BTD: variants seen among roughly 807,000 people sequenced by gnomAD.
BTD encodes the protein biocytinase.
A neutral mutation model predicts 17.7 loss-of-function variants in BTD; 13 were observed. That is an observed-to-expected ratio of 0.74 (90% CI 0.48 to 1.17). BTD has a LOEUF of 1.17. Ranked by LOEUF, BTD falls within the 50% of genes most tolerant of loss-of-function variation. BTD has a pLI of 0.00. For synonymous variants in BTD, 240 were observed against 245.2 expected (o/e 0.98, Z 0.20); for missense variants, 674 against 650.4 (o/e 1.04, Z -0.39).
At chr3:15,689,980 T>G (rs767499302) in intron 3 of BTD, 2 of 1,512,340 alleles carry the variant, frequency 1.3e-6, no homozygotes, top group East Asian at 2.4e-5. Flanking sequence ...AAGTATTGGA[T>G]AGAAGTTATA....
At chr3:15,641,407 G>A (rs768957450) in intron 2 of BTD, among the ~76,000 whole-genome samples, 3 of 152,174 alleles carry the variant, frequency 2.0e-5, no homozygotes, top group Non-Finnish European at 2.9e-5. Context: ...AATCAAATCA[G>A]ACTTTGTAGG....
chr3:15,634,524 A>G (rs995989338), intron 1 of BTD, among the ~76,000 whole-genome samples: 1 of 152,214 alleles, frequency 6.6e-6, no homozygotes, highest in African/African-American at 2.4e-5. Flanking sequence ...CTATTCTGGG[A>G]GGAAGGAGGA....
chr3:15,685,937 G>C lies in BTD; in HGVS notation c.400-24123G>C, dbSNP rs140561236. ...ATGAAGAAAAAATAAACATAACCTA[G>C]TTCAGTTCTAGGTAATATGAGGTCA... On this transcript the variant is annotated intron_variant, in intron 3 of 3. Transcript: ENST00000672141. 6.5e-6 allele frequency: 8 copies of C among 1,221,560 alleles called. No homozygotes were observed. In the East Asian group the frequency reaches 1.5e-4, roughly 23 times the overall value. The allele number at this position is 1,221,560 out of a possible 1,614,324, so 75.7% of individuals were successfully genotyped here. A position where few individuals can be genotyped will look rare whatever the true frequency, so the allele number is the denominator to read the frequency against.
At chr3:15,642,355 C>A in intron 3 of BTD, 1 of 971,610 alleles carries the variant, frequency 1.0e-6, no homozygotes, top group Non-Finnish European at 1.5e-6. Context: ...CCACAGCCTG[C>A]ACCTCATCCC....
intron 3 of BTD, among the ~76,000 whole-genome samples, chr3:15,661,007 T>C (rs778903000): frequency 2.0e-5 from 3 of 152,156 alleles, no homozygotes; most frequent in Non-Finnish European, 2.9e-5. Context: ...GGGTCATGCC[T>C]GTAATCCCAG....
In BTD at chr3:15,648,839, C is replaced by T. The variant is rs1559603809; in HGVS notation, c.*3351C>T. 1.3e-5 allele frequency among the ~76,000 whole-genome samples: 2 copies of T among 148,930 alleles called. No homozygotes were observed. The highest frequency in any genetic ancestry group is 3.0e-5 in the Non-Finnish European group (2 of 67,390). On this transcript the variant is annotated 3_prime_UTR_variant, in exon 4 of 4. Transcript: ENST00000643237. ...GTCCTTATCAGAAGAGGAGAAGACA[C>T]ACACACAGGGAGAAGATGACCATGT... is the stretch of plus-strand genomic sequence containing the variant.
chr3:15,605,535 A>G (rs1471886368), intron 1 of BTD, among the ~76,000 whole-genome samples: 1 of 152,238 alleles, frequency 6.6e-6, no homozygotes, highest in East Asian at 1.9e-4. Context: ...ATCTAAAAAG[A>G]AAATGCAGAT....
rs377651057 is a variant in BTD at position 15,644,791 on chromosome 3, G to T, written c.875G>T (p.Gly292Val). Reference protein sequence around the residue: ...HHPVLGMTGSGIHTPLESFWY... With the variant: ...HHPVLGMTGSVIHTPLESFWY... ...CCAGTTCTGGGGATGACAGGAAGTG[G>T]CATACACACCCCTCTGGAGTCCTTT... is the stretch of plus-strand genomic sequence containing the variant. Residue 292 changes from glycine to valine, a missense_variant, in exon 4 of 4, where the codon GGC (glycine) becomes GTC (valine). Coordinates refer to ENST00000643237, the MANE Select transcript of BTD (RefSeq NM_001370658.1). The T allele has an allele frequency of 1.9e-6, 3 of 1,614,118 alleles. No homozygotes were observed. The highest frequency in any genetic ancestry group is 2.5e-6 in the Non-Finnish European group (3 of 1,180,034).
rs745683105 is a variant in BTD, at chr3:15,652,850, C to A, written c.*7362C>A. 6.6e-6 allele frequency among the ~76,000 whole-genome samples: 1 copy of A among 152,108 alleles called. No homozygotes were observed. The highest frequency in any genetic ancestry group is 1.5e-5 in the Non-Finnish European group (1 of 68,020). Reference sequence around the variant, plus strand: ...CTATTATTTGTTGGGTTACACAAAGCCAGAAATCATCTACATCTACTCTCT... The same window carrying A: ...CTATTATTTGTTGGGTTACACAAAGACAGAAATCATCTACATCTACTCTCT... On this transcript the variant is annotated 3_prime_UTR_variant, in exon 4 of 4. Transcript: ENST00000643237.
chr3:15,721,556 C>T (rs1234185402), intron 4 of BTD, among the ~76,000 whole-genome samples: 2 of 151,926 alleles, frequency 1.3e-5, no homozygotes, highest in Non-Finnish European at 2.9e-5. Flanking sequence ...TTTGCAGTGA[C>T]AAAGGCTAAC....
chr3:15,717,798 T>C (rs936161937), intron 4 of BTD, among the ~76,000 whole-genome samples: 2 of 152,188 alleles, frequency 1.3e-5, no homozygotes, highest in Non-Finnish European at 2.9e-5. Context: ...AGACCTATAC[T>C]GCTTTATAAA....
intron 1 of BTD, among the ~76,000 whole-genome samples, chr3:15,629,162 A>G (rs768753818): frequency 9.8e-5 from 15 of 152,320 alleles, no homozygotes; most frequent in Non-Finnish European, 1.8e-4. Flanking sequence ...AGAAATGAAG[A>G]TGATGTTTCT....
chr3:15,609,266 A>T (rs576139410), intron 1 of BTD, among the ~76,000 whole-genome samples: 2 of 152,344 alleles, frequency 1.3e-5, no homozygotes, highest in South Asian at 4.1e-4. Context: ...TAAGAAATAC[A>T]TCACAAATAT....
At position 15,653,596 on chromosome 3, in the gene BTD, T is replaced by G. The variant is rs2065839004; in HGVS notation, c.*8108T>G. On this transcript the variant is annotated 3_prime_UTR_variant, in exon 4 of 4. Transcript: ENST00000643237. ...TTTTGTTTGACTAAAGGCAATTATA[T>G]TTACATTTTCTCTAAGTACTGGAAT... 6.6e-6 allele frequency among the ~76,000 whole-genome samples: 1 copy of G among 152,254 alleles called. No individual in the cohort carries two copies. Among genetic ancestry groups the G allele is most frequent in the African/African-American group, 2.4e-5 (1 of 41,462 alleles).
At chr3:15,713,398 GA>G (rs1308853042), downstream of BTD, 27 of 664,974 alleles carry the variant, frequency 4.1e-5, no homozygotes, top group Admixed American at 9.3e-4. Context: ...CAATACAAAA[GA>G]AAGTTCAAGC....
chr3:15,676,949 TATA>T, intron 3 of BTD: 1 of 1,582,454 alleles, frequency 6.3e-7, no homozygotes, highest in Non-Finnish European at 8.7e-7. Context: ...TCACAAAGTT[TATA>T]CTAGATACTG....
intron 3 of BTD, among the ~76,000 whole-genome samples, chr3:15,707,608 G>A (rs184703504): frequency 7.2e-5 from 11 of 152,222 alleles, no homozygotes; most frequent in Admixed American, 2.0e-4. Context: ...ATATAGTCAC[G>A]GCTGTAGCCT....
At chr3:15,720,271 T>C (rs919490157) in intron 4 of BTD, among the ~76,000 whole-genome samples, 3 of 151,806 alleles carry the variant, frequency 2.0e-5, no homozygotes, top group Admixed American at 2.0e-4. Context: ...TGACAGTTTT[T>C]TTTCCCTAAC....
chr3:15,643,872 T>C (rs9840496), intron 3 of BTD, among the ~76,000 whole-genome samples: 3,582 of 123,564 alleles, frequency 0.029, 165 homozygotes, highest in African/African-American at 0.1. Context: ...GCCTGGGCAA[T>C]GTAACAAGAC....
Sources: allele counts gnomAD v4.1 joint callset (sites outside exome capture counted in the v4.1 genomes callset), GRCh38; gene constraint gnomAD v4.1.1; transcripts MANE v1.5; gene names NCBI Gene and HGNC (gene_info 2026-07-23, HGNC 2026-07-21).